GRB2: variants seen among roughly 807,000 people sequenced by gnomAD.
GRB2 encodes growth factor receptor bound protein 2.
In GRB2, 2 loss-of-function variants were observed where a neutral mutation model predicts 27.4. The observed-to-expected ratio is 0.07, with a 90% CI of 0.03 to 0.23. GRB2 has a LOEUF of 0.23. Among genes scored for constraint, GRB2 ranks in the 10% least tolerant of loss-of-function variants. The pLI, the probability that GRB2 is intolerant of heterozygous loss-of-function variation, is 1.00. For synonymous variants in GRB2, 94 were observed against 99.6 expected (o/e 0.94, Z 0.33); for missense variants, 102 against 282.4 (o/e 0.36, Z 4.58).
intron 2 of GRB2, among the ~76,000 whole-genome samples, chr17:75,375,209 A>G (rs969648272): frequency 6.6e-6 from 1 of 152,098 alleles, no homozygotes; most frequent in African/African-American, 2.4e-5. Context: ...AGCCTGATCT[A>G]CATAATTCTA....
intron 1 of GRB2, among the ~76,000 whole-genome samples, chr17:75,402,618 G>A (rs760479978): frequency 5.3e-5 from 8 of 151,998 alleles, no homozygotes; most frequent in Non-Finnish European, 1.0e-4. Context: ...ATTCACTGTG[G>A]GGTACATCCT....
intron 2 of GRB2, among the ~76,000 whole-genome samples, chr17:75,337,482 G>A (rs1329500845): frequency 6.6e-6 from 1 of 151,974 alleles, no homozygotes; most frequent in East Asian, 1.9e-4. Flanking sequence ...CTGAGGATGA[G>A]GCTGCACCTA....
chr17:75,350,821 C>G (rs2078687283), intron 2 of GRB2, among the ~76,000 whole-genome samples: 1 of 152,136 alleles, frequency 6.6e-6, no homozygotes, highest in African/African-American at 2.4e-5. Flanking sequence ...AATGGAAACC[C>G]TCAGTGTAAG....
At position 75,320,699 on chromosome 17, in the gene GRB2, T is replaced by C; in HGVS notation, c.469-146A>G. 3.2e-6 allele frequency: 2 copies of C among 629,062 alleles called. No homozygotes were observed. The highest frequency in any genetic ancestry group is 5.7e-6 in the Non-Finnish European group (2 of 352,144). 39.0% of individuals were successfully genotyped at this position (629,062 alleles called of 1,614,324 possible). ...TCACCTCCCATCTCCCAACCCCCCG[T>C]TTATTCTTACCTATTCTAAGTTTAC... On this transcript the variant is annotated intron_variant, in intron 5 of 5. Coordinates refer to ENST00000316804, the MANE Select transcript of GRB2 (RefSeq NM_002086.5). This position sits in a 1 kb window ranked among gnomAD's most constrained non-coding sequence, Gnocchi z 4.3.
At chr17:75,386,989 C>CACAGTGAAACCCCGTCTCTAT (rs6146152) in intron 2 of GRB2, among the ~76,000 whole-genome samples, 27 of 151,614 alleles carry the variant, frequency 1.8e-4, no homozygotes, top group Admixed American at 7.2e-4. Context: ...TCCTGGCTAA[C>CACAGTGAAACCCCGTCTCTAT]TAAAAACACA....
At chr17:75,354,264 T>TTGGGGGGGGGGGG (rs1555610715) in intron 2 of GRB2, among the ~76,000 whole-genome samples, 2 of 38,266 alleles carry the variant, frequency 5.2e-5, no homozygotes, top group South Asian at 9.9e-4. Context: ...TCTTTTTTTT[T>TTGGGGGGGGGGGG]GGGGGGGGGG....
chr17:75,369,190 T>G (rs906802622), intron 2 of GRB2, among the ~76,000 whole-genome samples: 2 of 152,164 alleles, frequency 1.3e-5, no homozygotes, highest in Non-Finnish European at 2.9e-5. Flanking sequence ...AAACACAGCT[T>G]TGGTATATAA....
At chr17:75,376,344 C>A (rs1339469021) in intron 2 of GRB2, among the ~76,000 whole-genome samples, 178 of 74,328 alleles carry the variant, frequency 2.4e-3, no homozygotes, top group African/African-American at 5.1e-3. Flanking sequence ...GACTCTGTCT[C>A]AAAAAAAAAA....
chr17:75,342,852 C>T (rs2078630153), intron 2 of GRB2, among the ~76,000 whole-genome samples: 1 of 151,784 alleles, frequency 6.6e-6, no homozygotes, highest in Non-Finnish European at 1.5e-5. Context: ...AGTTTGAGTC[C>T]AGCCTAGAGG....
At chr17:75,403,276 A>C (rs1160633597) in intron 1 of GRB2, among the ~76,000 whole-genome samples, 1 of 151,538 alleles carries the variant, frequency 6.6e-6, no homozygotes, top group Non-Finnish European at 1.5e-5. Flanking sequence ...GTGACTCTCT[A>C]TTCTGTATTA....
chr17:75,333,200 C>T (rs2078553046), intron 2 of GRB2, among the ~76,000 whole-genome samples: 1 of 152,060 alleles, frequency 6.6e-6, no homozygotes, highest in African/African-American at 2.4e-5. Flanking sequence ...CACAGCCTCC[C>T]GAGTAGCTGG....
At chr17:75,392,698 TC>T in intron 2 of GRB2, among the ~76,000 whole-genome samples, 1 of 152,306 alleles carries the variant, frequency 6.6e-6, no homozygotes, top group African/African-American at 2.4e-5. Flanking sequence ...CAGCCTTTCC[TC>T]CTTTAAAGTT....
chr17:75,355,987 T>C (rs140864763), intron 2 of GRB2, among the ~76,000 whole-genome samples: 4,154 of 151,854 alleles, frequency 0.027, 102 homozygotes, highest in Non-Finnish European at 0.041. Flanking sequence ...CACGCTGCCA[T>C]GCCCGGCTAA....
chr17:75,372,546 A>C (rs970935330), intron 2 of GRB2: 1 of 152,220 alleles, frequency 6.6e-6, no homozygotes, highest in South Asian at 2.1e-4. Context: ...GGAGCACAAA[A>C]TACTTCAAGC....
chr17:75,342,458 G>A lies in GRB2; in HGVS notation c.79-9661C>T, dbSNP rs149247060. On this transcript the variant is annotated intron_variant, in intron 2 of 5. Transcript: ENST00000316804. ...TTCTTTTTTAATAAAAAATTGAGAC[G>A]AGGGTCTTCATATGATGCCCCGGCT... 1.2e-3 allele frequency among the ~76,000 whole-genome samples: 179 copies of A among 152,018 alleles called. 1 individual carries two copies. The East Asian group carries it at 0.023, about 19-fold the overall frequency.
chr17:75,357,556 T>TA (rs566291148), intron 2 of GRB2, among the ~76,000 whole-genome samples: 195 of 152,334 alleles, frequency 1.3e-3, no homozygotes, highest in Non-Finnish European at 2.5e-3. Context: ...TCATTTGGCT[T>TA]AAAATCCTTC....
chr17:75,399,657 G>A (rs1013761479), intron 1 of GRB2, among the ~76,000 whole-genome samples: 10 of 143,608 alleles, frequency 7.0e-5, no homozygotes, highest in African/African-American at 2.3e-4. Flanking sequence ...GTGAGCCACC[G>A]CGCCCGACCA....
At chr17:75,338,210 G>A (rs1272122576) in intron 2 of GRB2, among the ~76,000 whole-genome samples, 3 of 151,856 alleles carry the variant, frequency 2.0e-5, no homozygotes, top group East Asian at 1.9e-4. Context: ...GATTACAGGC[G>A]CCTGTCACCA....
intron 2 of GRB2, among the ~76,000 whole-genome samples, chr17:75,354,592 C>G (rs1249842826): frequency 6.6e-6 from 1 of 152,140 alleles, no homozygotes; most frequent in Non-Finnish European, 1.5e-5. Context: ...CCTGAACCAT[C>G]TCGACCCCCC....
Sources: gnomAD v4.1 joint callset for allele counts (sites outside exome capture counted in the v4.1 genomes callset) on GRCh38, gnomAD v4.1.1 for gene constraint, Gnocchi (gnomAD v3.1) non-coding constraint, MANE v1.5 for transcripts, NCBI Gene and HGNC (gene_info 2026-07-23, HGNC 2026-07-21) for gene names.